Variants in ACVR1 observed in about 807,000 individuals in gnomAD.
ACVR1 encodes the protein activin receptor type-1.
A neutral mutation model predicts 57.1 loss-of-function variants in ACVR1; 38 were observed. The observed-to-expected ratio is 0.67, with a 90% CI of 0.51 to 0.87. The LOEUF (loss-of-function observed/expected upper bound fraction) is 0.87. Among genes scored for constraint, ACVR1 ranks in the 40% least tolerant of loss-of-function variants. The pLI is 0.00. For missense variants in ACVR1, 463 were observed against 638.2 expected (o/e 0.73, Z 2.96); for synonymous variants, 212 against 228.1 (o/e 0.93, Z 0.63).
chr2:157,770,350 G>A lies in ACVR1; in HGVS notation c.790+18C>T. On this transcript the variant is annotated intron_variant, in intron 7 of 10. Coordinates refer to ENST00000434821, the MANE Select transcript of ACVR1 (RefSeq NM_001111067.4). ...TCTCCCTAGATACAATTAATGAGGG[G>A]GTTATCCTTGTACTTACCTAAGATA... The A allele has an allele frequency of 6.2e-7, 1 of 1,613,522 alleles. No homozygotes were observed. Among genetic ancestry groups the A allele is most frequent in the Non-Finnish European group, 8.5e-7 (1 of 1,179,548 alleles).
chr2:157,872,969 G>A (rs1044293283), intron 1 of ACVR1, among the ~76,000 whole-genome samples: 3 of 152,058 alleles, frequency 2.0e-5, no homozygotes, highest in Admixed American at 6.6e-5. Flanking sequence ...TTGGGGTTTC[G>A]GTGCAAGTAC....
At chr2:157,851,943 T>C (rs1053459832) in intron 1 of ACVR1, among the ~76,000 whole-genome samples, 12 of 122,256 alleles carry the variant, frequency 9.8e-5, no homozygotes, top group Non-Finnish European at 1.8e-4. Flanking sequence ...TCCTGGCATT[T>C]GGTAGGCACT....
rs540311330 is a variant in ACVR1, at chr2:157,852,738, C to T, written c.-183+23058G>A. On this transcript the variant is annotated intron_variant, in intron 1 of 10. Transcript: ENST00000434821. The stretch of plus-strand genomic sequence containing the variant: ...TATGATCCTCTAAATGGTATTAATT[C>T]CCACAGAACTCCTAAAACCATCCAC... Among the ~76,000 whole-genome samples the T allele has an allele frequency of 1.4e-3, 218 of 152,238 alleles. 1 individual carries two copies. Among genetic ancestry groups the T allele is most frequent in the African/African-American group, 5.1e-3 (210 of 41,536 alleles).
Position 157,863,336 on chromosome 2 carries a change from CTTTTTTTTTTT to C in ACVR1, c.-183+12449_-183+12459del, listed in dbSNP as rs1161335923. Among the ~76,000 whole-genome samples, 241 of 35,684 alleles carry C rather than the reference CTTTTTTTTTTT, an allele frequency of 6.8e-3. 1 individual carries two copies. The highest frequency in any genetic ancestry group is 0.019 in the African/African-American group (186 of 9,782). The allele number at this position is 35,684 out of a possible 152,430, so 23.4% of individuals were successfully genotyped here. A position where few individuals can be genotyped will look rare whatever the true frequency, so the allele number is the denominator to read the frequency against. ...CCTATAGAACAGTTAAATTGTTTCTCTTTTTTTTTTTTTTTTTTTTTTTTTTTTTTTGCTAC... is the reference window on the plus strand; with the variant it reads ...CCTATAGAACAGTTAAATTGTTTCTCTTTTTTTTTTTTTTTTTTTTGCTAC... On this transcript the variant is annotated intron_variant, in intron 1 of 10. Transcript: ENST00000434821.
chr2:157,762,988 G>C (rs1172441498), intron 8 of ACVR1, among the ~76,000 whole-genome samples: 1 of 152,184 alleles, frequency 6.6e-6, no homozygotes, highest in African/African-American at 2.4e-5. Context: ...TCAAGAGACT[G>C]TGTGAGATAA....
intron 1 of ACVR1, among the ~76,000 whole-genome samples, chr2:157,865,601 G>C (rs1414733702): frequency 6.6e-6 from 1 of 151,974 alleles, no homozygotes; most frequent in Non-Finnish European, 1.5e-5. Context: ...AGACCAGCCT[G>C]GCCAACATGG....
At chr2:157,841,085 A>G (rs1376581534) in intron 1 of ACVR1, among the ~76,000 whole-genome samples, 1 of 152,210 alleles carries the variant, frequency 6.6e-6, no homozygotes, top group Non-Finnish European at 1.5e-5. Flanking sequence ...AAAATTATGA[A>G]ATGTACATAC....
chr2:157,853,759 C>T (rs945593022), intron 1 of ACVR1, among the ~76,000 whole-genome samples: 1 of 152,176 alleles, frequency 6.6e-6, no homozygotes, highest in Non-Finnish European at 1.5e-5. Flanking sequence ...CCCACAGGCA[C>T]CCTAAGCTAC....
In ACVR1 at chr2:157,737,666, C is replaced by G; in HGVS notation, c.1396-1G>C. On this transcript the variant is annotated splice_acceptor_variant, in intron 10 of 10. Coordinates refer to ENST00000434821, the MANE Select transcript of ACVR1 (RefSeq NM_001111067.4). LOFTEE classifies it high-confidence loss of function. ...TTAGCTTGGCCAGAGAGGTTAATGT[C>G]TGAGGAGAGAAAGAACAAACACCAC... 1 of 1,614,052 alleles carries G rather than the reference C, an allele frequency of 6.2e-7. No individual in the cohort carries two copies. Among genetic ancestry groups the G allele is most frequent in the Non-Finnish European group, 8.5e-7 (1 of 1,179,964 alleles).
intron 1 of ACVR1, among the ~76,000 whole-genome samples, chr2:157,851,222 A>G (rs982783813): frequency 6.6e-6 from 1 of 152,156 alleles, no homozygotes; most frequent in Non-Finnish European, 1.5e-5. Flanking sequence ...ACAAGGGTAT[A>G]AGCAGACAAG....
chr2:157,830,406 G>A (rs1179474700), intron 1 of ACVR1, among the ~76,000 whole-genome samples: 3 of 152,196 alleles, frequency 2.0e-5, no homozygotes, highest in Middle Eastern at 3.4e-3. Flanking sequence ...TGTTGTCATG[G>A]CTTTTAACTC....
At chr2:157,751,455 C>T (rs776019319) in intron 9 of ACVR1, among the ~76,000 whole-genome samples, 14 of 152,178 alleles carry the variant, frequency 9.2e-5, no homozygotes, top group Non-Finnish European at 1.9e-4. Context: ...TTTCCTTGCC[C>T]GAACTCAGGG....
At chr2:157,804,424 G>A (rs1425301195) in intron 2 of ACVR1, among the ~76,000 whole-genome samples, 1 of 152,156 alleles carries the variant, frequency 6.6e-6, no homozygotes, top group Non-Finnish European at 1.5e-5. Context: ...TTTTTGAAAT[G>A]GGATATAAAC....
intron 1 of ACVR1, among the ~76,000 whole-genome samples, chr2:157,853,861 C>G (rs1689412760): frequency 6.6e-6 from 1 of 152,162 alleles, no homozygotes; most frequent in Non-Finnish European, 1.5e-5. Context: ...CTAAAATGCC[C>G]TTCCTCTACA....
At chr2:157,828,449 C>CAAA (rs369753645) in intron 1 of ACVR1, among the ~76,000 whole-genome samples, 2,645 of 82,374 alleles carry the variant, frequency 0.032, 134 homozygotes, top group Non-Finnish European at 0.044. Flanking sequence ...GACTCCGTCT[C>CAAA]AAAAAAAAAA....
intron 1 of ACVR1, among the ~76,000 whole-genome samples, chr2:157,850,463 G>A (rs558902104): frequency 4.2e-4 from 63 of 151,178 alleles, no homozygotes; most frequent in Non-Finnish European, 7.5e-4. Flanking sequence ...ACTTGAGAAT[G>A]TATTTTAAAC....
At chr2:157,757,409 A>G (rs1685479490) in intron 9 of ACVR1, among the ~76,000 whole-genome samples, 1 of 151,878 alleles carries the variant, frequency 6.6e-6, no homozygotes, top group Non-Finnish European at 1.5e-5. Context: ...AAGATCCCCA[A>G]AAAGATTCAG....
intron 1 of ACVR1, among the ~76,000 whole-genome samples, chr2:157,840,715 G>A (rs912396122): frequency 6.6e-5 from 10 of 152,236 alleles, no homozygotes; most frequent in Admixed American, 6.5e-4. Context: ...CTGAGAAAAA[G>A]GCCAGGAAGC....
Position 157,827,706 on chromosome 2 carries a change from T to C in ACVR1, c.-182-9147A>G, listed in dbSNP as rs72999469. Among the ~76,000 whole-genome samples the C allele has an allele frequency of 3.0e-3, 460 of 152,268 alleles. 3 individuals carry two copies. Among genetic ancestry groups the C allele is most frequent in the African/African-American group, 9.9e-3 (412 of 41,554 alleles). On this transcript the variant is annotated intron_variant, in intron 1 of 10. Transcript: ENST00000434821. ...AACTCTGGGTCTACCGCTGACTTGGTGGTCTTGAGCACTAGTGTCTTTCAA... is the reference window on the plus strand; with the variant it reads ...AACTCTGGGTCTACCGCTGACTTGGCGGTCTTGAGCACTAGTGTCTTTCAA...
Sources: gnomAD v4.1 joint callset for allele counts (sites outside exome capture counted in the v4.1 genomes callset) on GRCh38, gnomAD v4.1.1 for gene constraint, MANE v1.5 for transcripts, NCBI Gene and HGNC (gene_info 2026-07-23, HGNC 2026-07-21) for gene names.